WNT2B: variants seen among roughly 807,000 people sequenced by gnomAD.
WNT2B encodes protein Wnt-2b.
In WNT2B, 19 loss-of-function variants were observed where a neutral mutation model predicts 40.5. The observed-to-expected ratio is 0.47, with a 90% confidence interval of 0.33 to 0.69. The LOEUF (loss-of-function observed/expected upper bound fraction) is 0.69, where lower values mean the gene tolerates loss of function less well. Among genes scored for constraint, WNT2B ranks in the 30% least tolerant of loss-of-function variants. The pLI is 0.02. For missense variants in WNT2B, 467 were observed against 556.4 expected (o/e 0.84, Z 1.62); for synonymous variants, 220 against 211.9 (o/e 1.04, Z -0.33).
rs533989713 is a variant in WNT2B at position 112,514,916 on chromosome 1, C to A, written c.225C>A (p.Ile75=). Residue 75 remains isoleucine, a synonymous_variant, in exon 2 of 5, where the codon ATC becomes ATA. Coordinates refer to ENST00000369684, the MANE Select transcript of WNT2B (RefSeq NM_024494.3). The part of the protein sequence containing the change: ...ALGARVICDN[I]PGLVSRQRQL... ...GGGCACGAGTGATCTGTGACAATAT[C>A]CCTGGTTTGGTGAGCCGGCAGCGGC... 6.2e-7 allele frequency: 1 copy of A among 1,614,262 alleles called. No individual in the cohort carries two copies. Among genetic ancestry groups the A allele is most frequent in the Non-Finnish European group, 8.5e-7 (1 of 1,180,050 alleles).
intron 1 of WNT2B, among the ~76,000 whole-genome samples, chr1:112,502,149 C>G (rs997203745): frequency 2.2e-4 from 34 of 152,208 alleles, no homozygotes; most frequent in Admixed American, 2.2e-3. Flanking sequence ...CCGGGCTACT[C>G]CGGCGCGCAG....
upstream of WNT2B, among the ~76,000 whole-genome samples, chr1:112,507,454 T>A (rs1470865647): frequency 6.6e-6 from 1 of 152,180 alleles, no homozygotes; most frequent in Non-Finnish European, 1.5e-5. Flanking sequence ...CACTGTAGGT[T>A]GGGGACAGGA....
At chr1:112,503,410 A>G (rs1383027000) in intron 1 of WNT2B, among the ~76,000 whole-genome samples, 2 of 152,224 alleles carry the variant, frequency 1.3e-5, no homozygotes, top group African/African-American at 4.8e-5. Flanking sequence ...TTACTGGTCC[A>G]GTGCTCCCTG....
In WNT2B at chr1:112,526,472, G is replaced by A. The variant is rs188174989; in HGVS notation, c.*5963G>A. 27 of 170,222 alleles carry A rather than the reference G, an allele frequency of 1.6e-4. No homozygotes were observed. In the South Asian group the frequency reaches 2.8e-3, roughly 18 times the overall value. The allele number at this position is 170,222 out of a possible 1,614,324, so 10.5% of individuals were successfully genotyped here. A position where few individuals can be genotyped will look rare whatever the true frequency, so the allele number is the denominator to read the frequency against. ...TATGTATCAGAGGCCGGGTGCAGTG[G>A]CTCATGCCTGTAATCCCAGCACTTT... On this transcript the variant is annotated 3_prime_UTR_variant, in exon 5 of 5. Coordinates refer to ENST00000369684, the MANE Select transcript of WNT2B (RefSeq NM_024494.3).
At position 112,525,380 on chromosome 1, in the gene WNT2B, A is replaced by G. The variant is rs965431452; in HGVS notation, c.*4871A>G. On this transcript the variant is annotated 3_prime_UTR_variant, in exon 5 of 5. Coordinates refer to ENST00000369684, the MANE Select transcript of WNT2B (RefSeq NM_024494.3). ...CTATTATTTTCTTTGGGTGATTGGC[A>G]GGTATAGGGCAATAGCCAGTGGGGT... 6.6e-6 allele frequency: 1 copy of G among 152,242 alleles called. No homozygotes were observed. Among genetic ancestry groups the G allele is most frequent in the Admixed American group, 6.5e-5 (1 of 15,288 alleles). 9.4% of individuals were successfully genotyped at this position (152,242 alleles called of 1,614,324 possible). A position where few individuals can be genotyped will look rare whatever the true frequency, so the allele number is the denominator to read the frequency against.
chr1:112,509,337 G>A lies in WNT2B; in HGVS notation c.75G>A (p.Pro25=). Residue 25 remains proline (P), a synonymous_variant, in exon 1 of 5, where the codon CCG becomes CCA. Coordinates refer to ENST00000369684, the MANE Select transcript of WNT2B (RefSeq NM_024494.3). This position sits in a 1 kb window ranked among gnomAD's most constrained non-coding sequence, Gnocchi z 4.2. ...LRRASAPVPV[P]SPAAPDGSRA... ...GCGCCAGCGCCCCGGTCCCTGTGCC[G>A]TCGCCCGCGGCCCCCGACGGCTCCC... 1 of 1,589,474 alleles carries A rather than the reference G, an allele frequency of 6.3e-7. No individual in the cohort carries two copies. The highest frequency in any genetic ancestry group is 8.5e-7 in the Non-Finnish European group (1 of 1,174,650).
At chr1:112,491,017 G>A in intron 1 of WNT2B, 1 of 1,614,072 alleles carries the variant, frequency 6.2e-7, no homozygotes, top group Non-Finnish European at 8.5e-7. Context: ...CCAGACTGAA[G>A]GATCCTTGAG....
At position 112,514,858 on chromosome 1, in the gene WNT2B, C is replaced by A; in HGVS notation, c.183-16C>A. 6.2e-7 allele frequency: 1 copy of A among 1,613,522 alleles called. No individual in the cohort carries two copies. The stretch of plus-strand genomic sequence containing the variant: ...AAGGTCTGGGATGTTCTGACAGGGC[C>A]ATCTCTGCCTTGCAGGTACATTGGG... On this transcript the variant is annotated splice_polypyrimidine_tract_variant and intron_variant, in intron 1 of 4. Transcript: ENST00000369684.
rs1653848904 is a variant in WNT2B, at chr1:112,528,601, A to C, written c.*8092A>C. 1 of 152,354 alleles carries C rather than the reference A, an allele frequency of 6.6e-6. No individual in the cohort carries two copies. Among genetic ancestry groups the C allele is most frequent in the African/African-American group, 2.4e-5 (1 of 41,584 alleles). The allele number at this position is 152,354 out of a possible 1,614,324, so 9.4% of individuals were successfully genotyped here. On this transcript the variant is annotated 3_prime_UTR_variant, in exon 5 of 5. Transcript: ENST00000369684. ...CTAAGTAAGAGATATCAAATATCCT[A>C]TCCAGTACTGTGATACATTAATGTA...
intron 1 of WNT2B, among the ~76,000 whole-genome samples, chr1:112,487,933 C>CAA (rs59297238): frequency 5.9e-5 from 4 of 68,204 alleles, no homozygotes; most frequent in African/African-American, 2.0e-4. Flanking sequence ...GGCTCTGACT[C>CAA]AAAAAAAAAA....
At chr1:112,481,946 A>G (rs1651238999) in intron 1 of WNT2B, among the ~76,000 whole-genome samples, 1 of 152,050 alleles carries the variant, frequency 6.6e-6, no homozygotes, top group Non-Finnish European at 1.5e-5. Context: ...CAGGAGTTTG[A>G]GACCAGCCTG....
intron 1 of WNT2B, 21 bp from the exon 2 acceptor site, chr1:112,514,853 A>G: frequency 6.2e-7 from 1 of 1,613,210 alleles, no homozygotes; most frequent in Non-Finnish European, 8.5e-7. Flanking sequence ...ATGTTCTGAC[A>G]GGGCCATCTC....
At chr1:112,485,749 T>C (rs1271054788) in intron 1 of WNT2B, among the ~76,000 whole-genome samples, 1 of 152,042 alleles carries the variant, frequency 6.6e-6, no homozygotes, top group African/African-American at 2.4e-5. Flanking sequence ...TCGACCTAAA[T>C]GTAAAACCTA....
upstream of WNT2B, among the ~76,000 whole-genome samples, chr1:112,506,699 A>G (rs1652116948): frequency 6.6e-6 from 1 of 152,260 alleles, no homozygotes; most frequent in South Asian, 2.1e-4. Flanking sequence ...CCCTCTCAGG[A>G]AAACTAAGCA....
chr1:112,507,832 A>G (rs139467588), upstream of WNT2B, among the ~76,000 whole-genome samples: 1 of 152,272 alleles, frequency 6.6e-6, no homozygotes, highest in South Asian at 2.1e-4. Flanking sequence ...GCCAGATCCC[A>G]GGTGAACTCT....
intron 1 of WNT2B, among the ~76,000 whole-genome samples, chr1:112,513,096 C>T (rs544874297): frequency 3.2e-4 from 48 of 151,370 alleles, no homozygotes; most frequent in Non-Finnish European, 5.9e-4. Context: ...CATTCCCATC[C>T]AACCCTCCTC....
chr1:112,508,053 G>A (rs1652178286), upstream of WNT2B, among the ~76,000 whole-genome samples: 2 of 152,086 alleles, frequency 1.3e-5, no homozygotes, highest in South Asian at 4.1e-4. This position sits in a 1 kb window ranked among gnomAD's most constrained non-coding sequence, Gnocchi z 4.2. Context: ...GGGTGAAGGA[G>A]CAGTGGGGAG....
intron 1 of WNT2B, among the ~76,000 whole-genome samples, chr1:112,513,599 C>A (rs1222894094): frequency 6.6e-6 from 1 of 152,174 alleles, no homozygotes; most frequent in East Asian, 1.9e-4. Context: ...TTCCCCTCCC[C>A]ACACCAGCTG....
chr1:112,520,769 G>A lies in WNT2B; in HGVS notation c.*260G>A. On this transcript the variant is annotated 3_prime_UTR_variant, in exon 5 of 5. Transcript: ENST00000369684. ...TTGAAGGGAGAGTAGAAGAGATAGG[G>A]GGTCTTTAGAGTGAAATGAGTTGCA... is the stretch of plus-strand genomic sequence containing the variant. 1.9e-6 allele frequency: 1 copy of A among 529,062 alleles called. No homozygotes were observed. The highest frequency in any genetic ancestry group is 3.4e-6 in the Non-Finnish European group (1 of 297,868). 32.8% of individuals were successfully genotyped at this position (529,062 alleles called of 1,614,324 possible).
Sources: gnomAD v4.1 joint callset for allele counts (sites outside exome capture counted in the v4.1 genomes callset) on GRCh38, gnomAD v4.1.1 for gene constraint, Gnocchi (gnomAD v3.1) non-coding constraint, MANE v1.5 for transcripts, NCBI Gene and HGNC (gene_info 2026-07-23, HGNC 2026-07-21) for gene names.